The following BRCA1 variants were observed in gnomAD, a reference collection of about 807,000 sequenced individuals.
The protein encoded by BRCA1 is breast cancer type 1 susceptibility protein.
In BRCA1, 140 loss-of-function variants were observed where a neutral mutation model predicts 173.7. That is an observed-to-expected ratio of 0.81 (90% CI 0.70 to 0.93). The LOEUF (loss-of-function observed/expected upper bound fraction) is 0.93, where lower values mean the gene tolerates loss of function less well. BRCA1 is among the 40% of genes least tolerant of loss of function. The probability of loss-of-function intolerance (pLI) is 0.00; values close to 1 mark genes in which losing one functional copy is unlikely to be tolerated. For synonymous variants in BRCA1, 662 were observed against 756.0 expected (o/e 0.88, Z 2.04); for missense variants, 1,983 against 2,172.5 (o/e 0.91, Z 1.73).
At chr17:43,111,831 C>A (rs534155748) in intron 3 of BRCA1, among the ~76,000 whole-genome samples, 140 of 151,982 alleles carry the variant, frequency 9.2e-4, no homozygotes, top group African/African-American at 3.3e-3. Context: ...CAAAACAAAA[C>A]AAACAAAAAC....
Position 43,044,773 on chromosome 17 carries a change from AC to A in BRCA1, c.*904del, listed in dbSNP as rs2050799697. The A allele has an allele frequency of 2.1e-6, 1 of 474,668 alleles. No homozygotes were observed. The highest frequency in any genetic ancestry group is 2.0e-5 in the African/African-American group (1 of 49,158). 29.4% of individuals were successfully genotyped at this position (474,668 alleles called of 1,614,324 possible). A position where few individuals can be genotyped will look rare whatever the true frequency, so the allele number is the denominator to read the frequency against. ...TAGAAATCTAGCAAATATATCTCAG[AC>A]TTTTAGAAATCTCTTCTAGTTTCAT... On this transcript the variant is annotated 3_prime_UTR_variant, in exon 23 of 23. Transcript: ENST00000357654.
At chr17:43,088,590 A>G (rs906007094) in intron 11 of BRCA1, among the ~76,000 whole-genome samples, 1 of 152,214 alleles carries the variant, frequency 6.6e-6, no homozygotes, top group Non-Finnish European at 1.5e-5. Context: ...ATGCACATAT[A>G]TAACTTTATA....
intron 2 of BRCA1, among the ~76,000 whole-genome samples, chr17:43,117,564 C>T (rs978271377): frequency 4.6e-5 from 7 of 152,088 alleles, no homozygotes; most frequent in Non-Finnish European, 7.4e-5. Context: ...CACAGTGAAA[C>T]GCTGTCTCTA....
At chr17:43,081,533 C>T (rs2053001657) in intron 12 of BRCA1, among the ~76,000 whole-genome samples, 1 of 152,184 alleles carries the variant, frequency 6.6e-6, no homozygotes. Flanking sequence ...ATAAGAATCA[C>T]TGAGCTAGGA....
chr17:43,117,621 C>T (rs562306899), intron 2 of BRCA1, among the ~76,000 whole-genome samples: 3 of 152,232 alleles, frequency 2.0e-5, no homozygotes, highest in East Asian at 1.9e-4. Context: ...CGCCTGTAAT[C>T]CCAGCTACTT....
intron 1 of BRCA1, among the ~76,000 whole-genome samples, chr17:43,155,543 G>T (rs118133430): frequency 4.6e-5 from 7 of 151,822 alleles, no homozygotes; most frequent in African/African-American, 9.7e-5. Flanking sequence ...ACTTTTTTTG[G>T]GGGGAGATGG....
chr17:43,139,060 A>C (rs56728361), intron 1 of BRCA1: 2 of 689,460 alleles, frequency 2.9e-6, no homozygotes. Context: ...CTGTTTTCCT[A>C]TCTGGGGTAG....
At chr17:43,135,997 G>A (rs1409783349) in intron 1 of BRCA1, among the ~76,000 whole-genome samples, 2 of 152,204 alleles carry the variant, frequency 1.3e-5, no homozygotes, top group Non-Finnish European at 2.9e-5. Flanking sequence ...GCATAAAAGG[G>A]CTTAATACAG....
Position 43,094,717 on chromosome 17 carries a change from C to T in BRCA1, c.814G>A (p.Glu272Lys), listed in dbSNP as rs886040321. The change falls in exon 10 of 23, where the codon GAG becomes AAG. Residue 272 changes from glutamate to lysine, a missense_variant. Coordinates refer to ENST00000357654, the MANE Select transcript of BRCA1 (RefSeq NM_007294.4). Reference protein sequence around the residue: ...QGSSVSNLHVEPCGTNTHASS... With the variant: ...QGSSVSNLHVKPCGTNTHASS... ...GCATGAGTATTTGTGCCACATGGCT[C>T]CACATGCAAGTTTGAAACAGAACTA... The T allele has an allele frequency of 6.2e-7, 1 of 1,611,766 alleles. No individual in the cohort carries two copies. The highest frequency in any genetic ancestry group is 2.2e-5 in the East Asian group (1 of 44,856).
At chr17:43,096,211 T>C (rs549752602) in intron 8 of BRCA1, among the ~76,000 whole-genome samples, 3 of 151,728 alleles carry the variant, frequency 2.0e-5, no homozygotes, top group South Asian at 4.2e-4. Flanking sequence ...ACCCCATCTC[T>C]ACTAAAAATA....
rs551756183 is a variant in BRCA1, at chr17:43,150,199, T to C, written c.-20+19927A>G. Among the ~76,000 whole-genome samples the C allele has an allele frequency of 3.9e-5, 6 of 152,258 alleles. No individual in the cohort carries two copies. The South Asian group carries it at 8.3e-4, about 21-fold the overall frequency. Reference sequence around the variant, plus strand: ...ATCATGGGTCACTGCAGCCTGAACCTCCTGGGCTCAAGCAATCCTCCCACC... The same window carrying C: ...ATCATGGGTCACTGCAGCCTGAACCCCCTGGGCTCAAGCAATCCTCCCACC... On this transcript the variant is annotated intron_variant, in intron 1 of 7. Coordinates refer to the BRCA1 transcript ENST00000634433.
intron 1 of BRCA1, among the ~76,000 whole-genome samples, chr17:43,135,175 C>T (rs1380235442): frequency 6.6e-6 from 1 of 152,260 alleles, no homozygotes; most frequent in East Asian, 1.9e-4. Context: ...TCTGCGGACC[C>T]CGTGCACTTC....
Position 43,092,883 on chromosome 17 carries a change from G to A in BRCA1, c.2648C>T (p.Ala883Val), listed in dbSNP as rs431825391. The change falls in exon 10 of 23, where the codon GCA becomes GTA. Residue 883 changes from alanine (A) to valine (V), a missense_variant. Transcript: ENST00000357654. ...GGACCCAGAGTGGGCAGAGAATGTT[G>A]CACATTCCTCTTCTGCATTTCCTGG... is the stretch of plus-strand genomic sequence containing the variant. Reference protein sequence around the residue: ...SNPGNAEEECATFSAHSGSLK... With the variant: ...SNPGNAEEECVTFSAHSGSLK... The A allele has an allele frequency of 1.2e-6, 2 of 1,613,884 alleles. No homozygotes were observed.
intron 19 of BRCA1, among the ~76,000 whole-genome samples, chr17:43,051,879 C>T (rs1031712152): frequency 6.6e-6 from 1 of 152,158 alleles, no homozygotes; most frequent in Non-Finnish European, 1.5e-5. Context: ...TCGTGATCTG[C>T]CTGTCTTGGC....
At chr17:43,061,839 CCACT>C (rs1310884675) in intron 18 of BRCA1, among the ~76,000 whole-genome samples, 1 of 152,126 alleles carries the variant, frequency 6.6e-6, no homozygotes, top group African/African-American at 2.4e-5. Context: ...CCTGCCTTGG[CCACT>C]CAAAGTGCTG....
chr17:43,072,252 G>T (rs1274219011), intron 14 of BRCA1, among the ~76,000 whole-genome samples: 3 of 151,692 alleles, frequency 2.0e-5, no homozygotes, highest in Admixed American at 2.0e-4. Context: ...AGCCGGGCGT[G>T]GTGGTGCATG....
At chr17:43,089,429 A>G (rs529616499) in intron 11 of BRCA1, among the ~76,000 whole-genome samples, 1 of 152,212 alleles carries the variant, frequency 6.6e-6, no homozygotes, top group Non-Finnish European at 1.5e-5. Context: ...CCTTTAGTAC[A>G]TAAACATTTC....
intron 1 of BRCA1, chr17:43,124,985 C>CGGCT: frequency 2.7e-6 from 1 of 367,244 alleles, no homozygotes; most frequent in Admixed American, 3.3e-5. Flanking sequence ...ACCTCATGAC[C>CGGCT]AGCCGACGTT....
intron 1 of BRCA1, among the ~76,000 whole-genome samples, chr17:43,145,516 T>C (rs997822099): frequency 3.3e-5 from 5 of 152,026 alleles, no homozygotes; most frequent in South Asian, 2.1e-4. Context: ...TTAGTAGAGA[T>C]GGGGTTTCAC....
Sources: allele counts gnomAD v4.1 joint callset (sites outside exome capture counted in the v4.1 genomes callset), GRCh38; gene constraint gnomAD v4.1.1; transcripts MANE v1.5; gene names NCBI Gene and HGNC (gene_info 2026-07-23, HGNC 2026-07-21).